The following GRK1 variants were observed in gnomAD, a reference collection of about 807,000 sequenced individuals.
GRK1 encodes the protein G protein-coupled receptor kinase 1.
Under a neutral mutation model 41.7 loss-of-function variants are expected in GRK1, and 28 were observed. That is an observed-to-expected ratio of 0.67 (90% CI 0.50 to 0.92). The LOEUF is 0.92. GRK1 is among the 40% of genes least tolerant of loss of function. The pLI is 0.00. For synonymous variants in GRK1, 327 were observed against 286.7 expected (o/e 1.14, Z -1.42); for missense variants, 703 against 671.2 (o/e 1.05, Z -0.52).
intron 4 of GRK1, among the ~76,000 whole-genome samples, chr13:113,730,812 G>A (rs2049931526): frequency 6.6e-6 from 1 of 152,272 alleles, no homozygotes; most frequent in Non-Finnish European, 1.5e-5. Context: ...GAATGTGGAA[G>A]ACCCGCCTTG....
intron 5 of GRK1, among the ~76,000 whole-genome samples, chr13:113,732,637 T>C (rs1392667436): frequency 1.3e-5 from 2 of 152,204 alleles, no homozygotes; most frequent in African/African-American, 4.8e-5. Flanking sequence ...GCGGCTGTGC[T>C]GGGGGTGGGT....
the GRK1 span, chr13:113,649,621 A>G: frequency 2.9e-6 from 4 of 1,402,292 alleles, no homozygotes; most frequent in Non-Finnish European, 2.8e-6. This position sits in a 1 kb window ranked among gnomAD's most constrained non-coding sequence, Gnocchi z 4.7. Flanking sequence ...GTCAACAGTC[A>G]GGTTGGTGCA....
the GRK1 span, among the ~76,000 whole-genome samples, chr13:113,656,257 G>C: frequency 1.1e-4 from 17 of 152,150 alleles, no homozygotes; most frequent in Non-Finnish European, 1.9e-4. Flanking sequence ...TGACTTGGCC[G>C]CCTGTCCCCC....
intron 3 of GRK1, among the ~76,000 whole-genome samples, chr13:113,672,150 T>C (rs1205442018): frequency 2.0e-5 from 3 of 151,928 alleles, no homozygotes; most frequent in African/African-American, 7.3e-5. Flanking sequence ...CCACTGTCAG[T>C]GTGCGTGGTG....
the GRK1 span, among the ~76,000 whole-genome samples, chr13:113,655,792 G>T: frequency 1.3e-5 from 2 of 152,238 alleles, no homozygotes; most frequent in Non-Finnish European, 2.9e-5. Flanking sequence ...CATGGATTCT[G>T]CTTAGTGAGC....
At chr13:113,730,500 A>C (rs1184262964) in intron 4 of GRK1, among the ~76,000 whole-genome samples, 1 of 150,782 alleles carries the variant, frequency 6.6e-6, no homozygotes, top group East Asian at 2.0e-4. Context: ...ATCCCGAGAC[A>C]GTCCCCGGGG....
the GRK1 span, chr13:113,651,828 G>T: frequency 5.6e-6 from 8 of 1,420,314 alleles, no homozygotes; most frequent in Non-Finnish European, 7.6e-6. Flanking sequence ...GCCCCAGCCT[G>T]GGCTTTCTGA....
upstream of GRK1, among the ~76,000 whole-genome samples, chr13:113,663,519 A>T (rs1399747223): frequency 6.6e-6 from 1 of 152,230 alleles, no homozygotes; most frequent in Non-Finnish European, 1.5e-5. Flanking sequence ...AAAGGAGGCA[A>T]AGAGAAGCTA....
At chr13:113,727,924 TGAG>T (rs1357769564) in intron 4 of GRK1, among the ~76,000 whole-genome samples, 1 of 79,086 alleles carries the variant, frequency 1.3e-5, no homozygotes. Context: ...CCCATGGCGA[TGAG>T]GAGTACCCAT....
At position 113,671,186 on chromosome 13, in the gene GRK1, G is replaced by A. The variant is rs552997377; in HGVS notation, c.828-313G>A. ...CGGAGCTGCATCCCACCTCGGCCTC[G>A]GCCTGGCCCCTTCCTGAGACGGTCT... On this transcript the variant is annotated intron_variant, in intron 2 of 6. Transcript: ENST00000335678. This position sits in a 1 kb window ranked among gnomAD's most constrained non-coding sequence, Gnocchi z 4.1. Among the ~76,000 whole-genome samples, 4 of 152,308 alleles carry A rather than the reference G, an allele frequency of 2.6e-5. No homozygotes were observed. The highest frequency in any genetic ancestry group is 4.1e-4 in the South Asian group (2 of 4,828).
Position 113,735,551 on chromosome 13 carries a change from CACATG to C in GRK1, c.*189_*193del, listed in dbSNP as rs2049997980. 3 of 570,994 alleles carry C rather than the reference CACATG, an allele frequency of 5.3e-6. No individual in the cohort carries two copies. The highest frequency in any genetic ancestry group is 8.7e-6 in the Non-Finnish European group (3 of 343,364). 35.4% of individuals were successfully genotyped at this position (570,994 alleles called of 1,614,324 possible). On this transcript the variant is annotated 3_prime_UTR_variant, in exon 7 of 7. Coordinates refer to ENST00000335678, the MANE Select transcript of GRK1 (RefSeq NM_002929.3). ...CCACATCGGCCTGAGCCGCCAGACG[CACATG>C]CTGGTGCCGTGAGCCCCCGACTGCA...
At chr13:113,734,078 G>A (rs959057058) in intron 6 of GRK1, among the ~76,000 whole-genome samples, 3 of 151,930 alleles carry the variant, frequency 2.0e-5, no homozygotes, top group African/African-American at 7.3e-5. Context: ...GTGCGTGTAT[G>A]TGTGTGTGTT....
the GRK1 span, chr13:113,654,814 C>G: frequency 1.9e-6 from 3 of 1,613,714 alleles, no homozygotes; most frequent in Non-Finnish European, 2.5e-6. Context: ...GGGCGCTTAC[C>G]TGGTGACCGT....
Position 113,732,876 on chromosome 13 carries a change from C to T in GRK1, c.1195-8C>T, listed in dbSNP as rs951682223. 7 of 1,536,096 alleles carry T rather than the reference C, an allele frequency of 4.6e-6. No homozygotes were observed. The African/African-American group carries it at 6.8e-5, about 15-fold the overall frequency. The stretch of plus-strand genomic sequence containing the variant: ...CTGGCAGGGCTAAGGCTACGCGTGT[C>T]CCCACAGGTGGAGAACAAGGAGCTG... On this transcript the variant is annotated splice_polypyrimidine_tract_variant and splice_region_variant and intron_variant, in intron 5 of 6. Coordinates refer to ENST00000335678, the MANE Select transcript of GRK1 (RefSeq NM_002929.3).
intron 4 of GRK1, among the ~76,000 whole-genome samples, chr13:113,724,610 C>T (rs1031952212): frequency 4.6e-5 from 7 of 152,270 alleles, no homozygotes; most frequent in Middle Eastern, 3.4e-3. Flanking sequence ...AGTTCTGTGC[C>T]CACACCCCTC....
At chr13:113,725,141 G>C (rs531429534) in intron 4 of GRK1, among the ~76,000 whole-genome samples, 2 of 151,690 alleles carry the variant, frequency 1.3e-5, no homozygotes, top group African/African-American at 4.9e-5. Flanking sequence ...CAAAGCCGCA[G>C]GGTCCGCATC....
the GRK1 span, among the ~76,000 whole-genome samples, chr13:113,657,675 C>T: frequency 6.6e-6 from 1 of 152,214 alleles, no homozygotes; most frequent in African/African-American, 2.4e-5. Context: ...ATCTGTGTGA[C>T]CAAGGAATCA....
At chr13:113,732,048 C>A (rs2140732071) in intron 5 of GRK1, among the ~76,000 whole-genome samples, 1 of 152,256 alleles carries the variant, frequency 6.6e-6, no homozygotes, top group South Asian at 2.1e-4. Flanking sequence ...GGTGCCAGTC[C>A]CTTATTCAAG....
chr13:113,649,811 C>T, the GRK1 span, among the ~76,000 whole-genome samples: 4 of 152,226 alleles, frequency 2.6e-5, no homozygotes, highest in African/African-American at 9.6e-5. This position sits in a 1 kb window ranked among gnomAD's most constrained non-coding sequence, Gnocchi z 4.7. Flanking sequence ...AGGAAAAGCA[C>T]GTGATGTGGA....
Sources: gnomAD v4.1 joint callset for allele counts (sites outside exome capture counted in the v4.1 genomes callset) on GRCh38, gnomAD v4.1.1 for gene constraint, Gnocchi (gnomAD v3.1) non-coding constraint, MANE v1.5 for transcripts, NCBI Gene and HGNC (gene_info 2026-07-23, HGNC 2026-07-21) for gene names.